Variants in DMD observed in about 807,000 individuals in gnomAD.
DMD encodes the protein dystrophin.
A neutral mutation model predicts 330.1 loss-of-function variants in DMD; 63 were observed. That is an observed-to-expected ratio of 0.19 (90% confidence interval 0.16 to 0.24). DMD has a LOEUF of 0.24. Among genes scored for constraint, DMD ranks in the 10% least tolerant of loss-of-function variants. DMD has a pLI of 1.00. For synonymous variants in DMD, 1,223 were observed against 959.8 expected (o/e 1.27, Z -5.07); for missense variants, 3,344 against 2,684.1 (o/e 1.25, Z -5.43).
At chrX:32,129,904 T>C (rs1474560865) in intron 44 of DMD, among the ~76,000 whole-genome samples, 2 of 110,930 alleles carry the variant, frequency 1.8e-5, no homozygotes, top group Non-Finnish European at 3.8e-5. Flanking sequence ...ACAATACTTT[T>C]TATTTCCAAA....
intron 62 of DMD, among the ~76,000 whole-genome samples, chrX:31,309,689 A>G (rs1416883833): frequency 3.6e-5 from 4 of 111,877 alleles, no homozygotes; most frequent in African/African-American, 1.3e-4. Flanking sequence ...TTCCCTGGGG[A>G]ACCTGAAATA....
chrX:32,842,148 T>A (rs140977326), intron 4 of DMD, among the ~76,000 whole-genome samples: 1 of 111,849 alleles, frequency 8.9e-6, no homozygotes, highest in African/African-American at 3.3e-5. Context: ...GGAGCCCCAT[T>A]GAGAAAAGAA....
intron 60 of DMD, among the ~76,000 whole-genome samples, chrX:31,354,106 T>C (rs2148532023): frequency 9.0e-6 from 1 of 111,513 alleles, no homozygotes; most frequent in South Asian, 3.8e-4. Flanking sequence ...ATAATCTAGG[T>C]TGCAGCAATT....
chrX:31,470,839 T>C (rs2067242115), intron 59 of DMD, among the ~76,000 whole-genome samples: 2 of 112,284 alleles, frequency 1.8e-5, no homozygotes, highest in Non-Finnish European at 3.8e-5. Flanking sequence ...CTTTCAGAGA[T>C]GCCCTGCCCA....
In DMD at chrX:32,722,798, G is replaced by C. The variant is rs982216687; in HGVS notation, c.650-23505C>G. On this transcript the variant is annotated intron_variant, in intron 7 of 78. Coordinates refer to ENST00000357033, the MANE Select transcript of DMD (RefSeq NM_004006.3). ...TTGATTTTGTATTCCACTACTTACTGAACTCATTTATTAGTTCTAACATTT... is the reference window on the plus strand; with the variant it reads ...TTGATTTTGTATTCCACTACTTACTCAACTCATTTATTAGTTCTAACATTT... Among the ~76,000 whole-genome samples, 3 of 110,730 alleles carry C rather than the reference G, an allele frequency of 2.7e-5. No homozygotes were observed. The Admixed American group carries it at 2.9e-4, about 11-fold the overall frequency.
At chrX:31,123,147 T>C (rs2033049372) in intron 78 of DMD, among the ~76,000 whole-genome samples, 1 of 111,992 alleles carries the variant, frequency 8.9e-6, no homozygotes, top group African/African-American at 3.2e-5. Flanking sequence ...TCAAGAGATA[T>C]AGCTTCTCTA....
At chrX:31,932,736 A>G (rs771743105) in intron 45 of DMD, among the ~76,000 whole-genome samples, 3 of 111,649 alleles carry the variant, frequency 2.7e-5, no homozygotes, top group Non-Finnish European at 5.7e-5. Flanking sequence ...ACAGAGAAAG[A>G]CTCCATCTCA....
chrX:32,137,103 A>T (rs952595082), intron 44 of DMD, among the ~76,000 whole-genome samples: 1 of 112,387 alleles, frequency 8.9e-6, no homozygotes, highest in Non-Finnish European at 1.9e-5. Flanking sequence ...ATGTGGGTTT[A>T]TTCTAGATTT....
intron 2 of DMD, among the ~76,000 whole-genome samples, chrX:32,850,897 C>T (rs1426866579): frequency 9.0e-6 from 1 of 111,301 alleles, no homozygotes; most frequent in Non-Finnish European, 1.9e-5. Context: ...CAGACATAGG[C>T]CCAGACCCTA....
intron 1 of DMD, among the ~76,000 whole-genome samples, chrX:33,205,660 C>T (rs190650295): frequency 2.2e-3 from 246 of 111,746 alleles, no homozygotes; most frequent in African/African-American, 7.5e-3. Context: ...CGCTTTAAAA[C>T]AAAACAAAAC....
chrX:32,448,551 C>G lies in DMD; in HGVS notation c.3691G>C (p.Val1231Leu). The G allele has an allele frequency of 8.3e-7, 1 of 1,208,823 alleles. No individual in the cohort carries two copies. The highest frequency in any genetic ancestry group is 1.1e-6 in the Non-Finnish European group (1 of 893,331). The part of the protein sequence containing the change: ...VNSVIAQAPP[V>L]AQEALKKELE... ...TCCTTTTTTAAGGCCTCTTGTGCTA[C>G]AGGTGGAGCTTGAGCTATGACACTA... Residue 1231 changes from valine (V) to leucine (L), a missense_variant, in exon 27 of 79, where the codon GTA becomes CTA. Coordinates refer to ENST00000357033, the MANE Select transcript of DMD (RefSeq NM_004006.3).
At chrX:33,273,512 T>C (rs944524806) in intron 1 of DMD, among the ~76,000 whole-genome samples, 1 of 112,488 alleles carries the variant, frequency 8.9e-6, no homozygotes, top group African/African-American at 3.2e-5. Context: ...CCTGCATCTC[T>C]AACTAATCTA....
chrX:32,848,460 A>G (rs969115421), intron 3 of DMD, among the ~76,000 whole-genome samples: 1 of 112,030 alleles, frequency 8.9e-6, no homozygotes, highest in African/African-American at 3.2e-5. Context: ...CAGTTCAGCT[A>G]TAAGGTATTA....
Position 32,615,432 on chromosome X carries a change from T to C in DMD, c.1332-979A>G, listed in dbSNP as rs779575483. ...TTTGCCTATTAATTACACAACTTTA[T>C]GTTGAGGATGAAAACACATTATTGT... On this transcript the variant is annotated intron_variant, in intron 11 of 78. Coordinates refer to ENST00000357033, the MANE Select transcript of DMD (RefSeq NM_004006.3). Among the ~76,000 whole-genome samples, 3 of 111,549 alleles carry C rather than the reference T, an allele frequency of 2.7e-5. No individual in the cohort carries two copies. In the South Asian group the frequency reaches 1.1e-3, roughly 42 times the overall value.
At chrX:32,318,023 A>G (rs922025232) in intron 41 of DMD, among the ~76,000 whole-genome samples, 4 of 111,211 alleles carry the variant, frequency 3.6e-5, no homozygotes, top group Non-Finnish European at 5.7e-5. Flanking sequence ...TGGATTATTT[A>G]AAAGTAATAA....
At chrX:33,090,615 C>G (rs1203490231) in intron 1 of DMD, among the ~76,000 whole-genome samples, 7 of 108,851 alleles carry the variant, frequency 6.4e-5, no homozygotes, top group African/African-American at 2.3e-4. Context: ...TTTGTCTTTT[C>G]TGGGCTTCAT....
chrX:32,809,940 A>G (rs1374280967), intron 6 of DMD, among the ~76,000 whole-genome samples: 3 of 92,547 alleles, frequency 3.2e-5, no homozygotes, highest in Admixed American at 1.2e-4. Context: ...AAAAAAAAAA[A>G]AAAAAAGAAA....
intron 64 of DMD, among the ~76,000 whole-genome samples, chrX:31,213,051 G>T (rs972118316): frequency 4.4e-5 from 5 of 112,662 alleles, no homozygotes; most frequent in African/African-American, 1.6e-4. Flanking sequence ...AAGAACTGCT[G>T]TATGTTTGCT....
chrX:33,071,317 G>A (rs1463282851), intron 1 of DMD, among the ~76,000 whole-genome samples: 2 of 108,858 alleles, frequency 1.8e-5, no homozygotes, highest in African/African-American at 6.7e-5. Context: ...CAAGTGTGGT[G>A]GCACATGCCT....
Sources: allele counts gnomAD v4.1 joint callset (sites outside exome capture counted in the v4.1 genomes callset), GRCh38; gene constraint gnomAD v4.1.1; transcripts MANE v1.5; gene names NCBI Gene and HGNC (gene_info 2026-07-23, HGNC 2026-07-21).